LRTM3: variants seen among roughly 807,000 people sequenced by gnomAD.
LRTM3 encodes leucine-rich repeat transmembrane protein 3.
the LRTM3 span, chr13:102,742,674 G>A: frequency 2.6e-6 from 4 of 1,550,702 alleles, no homozygotes; most frequent in Non-Finnish European, 3.5e-6. Context: ...TCAGGTGATT[G>A]TGAAACTGCT....
the LRTM3 span, chr13:102,748,480 T>C: frequency 6.4e-7 from 1 of 1,551,232 alleles, no homozygotes; most frequent in Middle Eastern, 1.7e-4. Flanking sequence ...GCGTTTTTGG[T>C]GTACTGGTTG....
At chr13:102,742,923 A>G in the LRTM3 span, 7 of 1,549,984 alleles carry the variant, frequency 4.5e-6, no homozygotes, top group East Asian at 1.5e-4. Context: ...CAATTATCTG[A>G]TTTCTCCATC....
chr13:102,750,778 C>T, the LRTM3 span, among the ~76,000 whole-genome samples: 11 of 152,072 alleles, frequency 7.2e-5, no homozygotes, highest in African/African-American at 2.7e-4. Context: ...CAGAAGAATA[C>T]CAATAGTATA....
the LRTM3 span, chr13:102,746,118 T>C: frequency 6.4e-7 from 1 of 1,551,120 alleles, no homozygotes; most frequent in Non-Finnish European, 8.7e-7. Flanking sequence ...TGGAGACTAG[T>C]CTCTAAAGTA....
At chr13:102,749,449 A>G in the LRTM3 span, 1 of 1,551,338 alleles carries the variant, frequency 6.4e-7, no homozygotes, top group Non-Finnish European at 8.7e-7. Flanking sequence ...TCTTAAAAAT[A>G]GTGTCTTGCC....
At chr13:102,738,949 C>A in the LRTM3 span, 2 of 1,550,512 alleles carry the variant, frequency 1.3e-6, no homozygotes, top group Admixed American at 3.9e-5. Flanking sequence ...TGTCTTTCTG[C>A]GGCATATGTT....
chr13:102,741,970 T>C, the LRTM3 span: 1 of 1,550,606 alleles, frequency 6.4e-7, no homozygotes, highest in African/African-American at 1.4e-5. Context: ...GTTCCTGTTT[T>C]CTAAGAATGC....
At chr13:102,733,853 T>C in the LRTM3 span, 2 of 1,551,308 alleles carry the variant, frequency 1.3e-6, no homozygotes, top group Non-Finnish European at 8.7e-7. Flanking sequence ...GGGCACATAC[T>C]GTTCTGCTTG....
At chr13:102,743,818 A>G in the LRTM3 span, 27 of 1,550,300 alleles carry the variant, frequency 1.7e-5, no homozygotes, top group Admixed American at 2.6e-4. Context: ...AACATTTGGC[A>G]TTGAATATAA....
chr13:102,747,126 G>T, the LRTM3 span: 2 of 1,550,650 alleles, frequency 1.3e-6, no homozygotes, highest in East Asian at 4.9e-5. Context: ...AGTGTGTTTT[G>T]GGATTCATTT....
the LRTM3 span, chr13:102,736,780 AT>A: frequency 6.4e-7 from 1 of 1,550,788 alleles, no homozygotes; most frequent in African/African-American, 1.4e-5. Context: ...TCTCTGAAAT[AT>A]TTGCTTTATC....
chr13:102,736,548 G>A, the LRTM3 span: 17 of 1,550,968 alleles, frequency 1.1e-5, no homozygotes, highest in Non-Finnish European at 1.5e-5. Flanking sequence ...CTTGTTATTC[G>A]TGGTTCACCT....
At chr13:102,740,908 G>C in the LRTM3 span, 1,348 of 1,549,850 alleles carry the variant, frequency 8.7e-4, no homozygotes, top group Middle Eastern at 1.7e-3. Flanking sequence ...GAAAAGCCTC[G>C]TGTGTACTTT....
the LRTM3 span, chr13:102,747,601 T>C: frequency 6.4e-7 from 1 of 1,551,198 alleles, no homozygotes; most frequent in Non-Finnish European, 8.7e-7. Context: ...CCGTTGTCTT[T>C]TGGAGGTTTC....
chr13:102,745,811 C>T, the LRTM3 span: 1 of 1,551,220 alleles, frequency 6.4e-7, no homozygotes, highest in Non-Finnish European at 8.7e-7. Context: ...CCTAACATGA[C>T]TCTCTACCTT....
At chr13:102,755,443 A>G in the LRTM3 span, among the ~76,000 whole-genome samples, 1 of 152,248 alleles carries the variant, frequency 6.6e-6, no homozygotes, top group African/African-American at 2.4e-5. Context: ...AATGTGGTAC[A>G]TATACATCAT....
the LRTM3 span, chr13:102,738,933 T>G: frequency 6.4e-7 from 1 of 1,550,632 alleles, no homozygotes; most frequent in East Asian, 2.4e-5. Context: ...TTTTCCACTC[T>G]GTCTTTGTCT....
At chr13:102,733,417 G>A in the LRTM3 span, 257 of 1,551,160 alleles carry the variant, frequency 1.7e-4, no homozygotes, top group Non-Finnish European at 2.0e-4. Context: ...GCTGGTGAGC[G>A]TATCTCTCTG....
chr13:102,755,535 A>C, the LRTM3 span, among the ~76,000 whole-genome samples: 10 of 152,282 alleles, frequency 6.6e-5, no homozygotes, highest in South Asian at 2.1e-3. Flanking sequence ...CATTCTCAGC[A>C]AACTAACACA....
Sources: allele counts gnomAD v4.1 joint callset (sites outside exome capture counted in the v4.1 genomes callset), GRCh38; gene constraint gnomAD v4.1.1; transcripts MANE v1.5; gene names NCBI Gene and HGNC (gene_info 2026-07-23, HGNC 2026-07-21).